The following HS6ST3 variants were observed in gnomAD, a reference collection of about 807,000 sequenced individuals.
The protein encoded by HS6ST3 is heparan-sulfate 6-O-sulfotransferase 3.
HS6ST3 carries 12 observed loss-of-function variants against 36.7 expected under a neutral mutation model. The observed-to-expected ratio is 0.33, with a 90% confidence interval of 0.21 to 0.53. The LOEUF (loss-of-function observed/expected upper bound fraction) is 0.53. Among genes scored for constraint, HS6ST3 ranks in the 20% least tolerant of loss-of-function variants. The pLI is 0.95. For missense variants in HS6ST3, 584 were observed against 640.9 expected (o/e 0.91, Z 0.96); for synonymous variants, 240 against 257.5 (o/e 0.93, Z 0.65).
At chr13:96,377,019 T>G (rs909518552) in intron 1 of HS6ST3, among the ~76,000 whole-genome samples, 1 of 149,296 alleles carries the variant, frequency 6.7e-6, no homozygotes, top group Non-Finnish European at 1.5e-5. Flanking sequence ...GATTTATTGT[T>G]TTATTTTGTT....
At chr13:96,807,733 G>C (rs965417439) in intron 1 of HS6ST3, among the ~76,000 whole-genome samples, 1 of 152,108 alleles carries the variant, frequency 6.6e-6, no homozygotes, top group Non-Finnish European at 1.5e-5. Context: ...GGGCGTGGTG[G>C]TGGACGCCTG....
chr13:96,291,129 A>G (rs1276712428), intron 1 of HS6ST3, among the ~76,000 whole-genome samples: 1 of 152,194 alleles, frequency 6.6e-6, no homozygotes, highest in Non-Finnish European at 1.5e-5. Flanking sequence ...ATTTGCTAAT[A>G]TAACATACTG....
chr13:96,253,239 C>T (rs1348589594), intron 1 of HS6ST3, among the ~76,000 whole-genome samples: 1 of 152,068 alleles, frequency 6.6e-6, no homozygotes, highest in Non-Finnish European at 1.5e-5. Flanking sequence ...GCTCCTTCCC[C>T]TACCCCTTGC....
At chr13:96,119,636 ATC>A (rs2053915370) in intron 1 of HS6ST3, among the ~76,000 whole-genome samples, 1 of 152,140 alleles carries the variant, frequency 6.6e-6, no homozygotes, top group African/African-American at 2.4e-5. Context: ...TTTGCATCGG[ATC>A]TATCCCACTT....
At chr13:96,203,889 C>G (rs998618138) in intron 1 of HS6ST3, among the ~76,000 whole-genome samples, 2 of 152,178 alleles carry the variant, frequency 1.3e-5, no homozygotes, top group Non-Finnish European at 2.9e-5. Context: ...GTACATCCCT[C>G]TACCCTCACA....
chr13:96,472,950 A>G (rs2055846476), intron 1 of HS6ST3, among the ~76,000 whole-genome samples: 1 of 152,192 alleles, frequency 6.6e-6, no homozygotes, highest in African/African-American at 2.4e-5. Context: ...GTAGCCCTTA[A>G]CCAATATACC....
Position 96,655,202 on chromosome 13 carries a change from G to A in HS6ST3, c.708-177288G>A, listed in dbSNP as rs532611844. On this transcript the variant is annotated intron_variant, in intron 1 of 1. Transcript: ENST00000376705. ...TTATTTTATGCTTTTCAGCTCAACC[G>A]AACTTCTCCATCTAACACACTCATG... 5.3e-5 allele frequency among the ~76,000 whole-genome samples: 8 copies of A among 152,138 alleles called. No individual in the cohort carries two copies. The South Asian group carries it at 1.0e-3, about 20-fold the overall frequency.
At chr13:96,475,928 A>G (rs2055862147) in intron 1 of HS6ST3, among the ~76,000 whole-genome samples, 1 of 152,212 alleles carries the variant, frequency 6.6e-6, no homozygotes, top group Non-Finnish European at 1.5e-5. Flanking sequence ...AGGAAGAATC[A>G]TGAAAACAAA....
intron 1 of HS6ST3, among the ~76,000 whole-genome samples, chr13:96,451,447 T>C (rs2055727660): frequency 1.3e-5 from 2 of 152,216 alleles, no homozygotes; most frequent in Non-Finnish European, 2.9e-5. Flanking sequence ...TGCTTTATCT[T>C]AGCTTTCCAA....
At chr13:96,720,090 C>G (rs1296269265) in intron 1 of HS6ST3, among the ~76,000 whole-genome samples, 1 of 152,156 alleles carries the variant, frequency 6.6e-6, no homozygotes, top group Non-Finnish European at 1.5e-5. Flanking sequence ...CTCTTGCCTT[C>G]TTTTTTACTT....
rs1443032930 is a variant in HS6ST3 at position 96,837,790 on chromosome 13, T to G, written c.*4592T>G. Reference sequence around the variant, plus strand: ...CTATTCAATATGAAGGCCGAGGGAATGTGCTCACAACTCCCTATTAAGGGA... The same window carrying G: ...CTATTCAATATGAAGGCCGAGGGAAGGTGCTCACAACTCCCTATTAAGGGA... On this transcript the variant is annotated 3_prime_UTR_variant, in exon 2 of 2. Transcript: ENST00000376705. 2 of 151,200 alleles carry G rather than the reference T, an allele frequency of 1.3e-5. No individual in the cohort carries two copies. Among genetic ancestry groups the G allele is most frequent in the Non-Finnish European group, 2.9e-5 (2 of 67,876 alleles). The allele number at this position is 151,200 out of a possible 1,614,324, so 9.4% of individuals were successfully genotyped here.
At chr13:96,527,835 T>C (rs1273104167) in intron 1 of HS6ST3, among the ~76,000 whole-genome samples, 1 of 152,006 alleles carries the variant, frequency 6.6e-6, no homozygotes, top group African/African-American at 2.4e-5. Flanking sequence ...TCTCAAAGTA[T>C]AACTCACAGA....
chr13:96,432,606 C>T (rs561888999), intron 1 of HS6ST3, among the ~76,000 whole-genome samples: 1 of 152,178 alleles, frequency 6.6e-6, no homozygotes, highest in South Asian at 2.1e-4. Flanking sequence ...TCTGAAAAAG[C>T]TAATGGAGCT....
At chr13:96,513,810 G>A (rs1457781619) in intron 1 of HS6ST3, among the ~76,000 whole-genome samples, 1 of 151,964 alleles carries the variant, frequency 6.6e-6, no homozygotes, top group East Asian at 1.9e-4. Context: ...TGATAGAAGT[G>A]GTTCAGTAGG....
intron 1 of HS6ST3, among the ~76,000 whole-genome samples, chr13:96,687,343 G>A (rs995716849): frequency 6.6e-6 from 1 of 151,966 alleles, no homozygotes; most frequent in African/African-American, 2.4e-5. Context: ...CACATGGTGT[G>A]TTCTTTTTTG....
chr13:96,523,364 G>A (rs1192496965), intron 1 of HS6ST3, among the ~76,000 whole-genome samples: 1 of 152,120 alleles, frequency 6.6e-6, no homozygotes, highest in Non-Finnish European at 1.5e-5. Flanking sequence ...TTCTCGAGGA[G>A]TATCTTTGTG....
Position 96,648,558 on chromosome 13 carries a change from G to A in HS6ST3, c.708-183932G>A, listed in dbSNP as rs138311446. Among the ~76,000 whole-genome samples, 1,240 of 150,788 alleles carry A rather than the reference G, an allele frequency of 8.2e-3. 20 individuals carry two copies. Among genetic ancestry groups the A allele is most frequent in the African/African-American group, 0.028 (1,150 of 41,008 alleles). ...GTGCAGGTTTGTTACCTAGGTAAAC[G>A]TGTGCCATGGTGGTTTGCTGTACCT... On this transcript the variant is annotated intron_variant, in intron 1 of 1. Transcript: ENST00000376705.
intron 1 of HS6ST3, among the ~76,000 whole-genome samples, chr13:96,658,738 T>C (rs2056636012): frequency 6.7e-6 from 1 of 150,252 alleles, no homozygotes; most frequent in Non-Finnish European, 1.5e-5. Context: ...GGAGTTTCAC[T>C]TTTGTTGCCC....
chr13:96,452,862 T>A (rs552580546), intron 1 of HS6ST3, among the ~76,000 whole-genome samples: 1 of 152,316 alleles, frequency 6.6e-6, no homozygotes, highest in African/African-American at 2.4e-5. Flanking sequence ...TCTACCCTAC[T>A]ACCTGGGAGG....
Sources: gnomAD v4.1 joint callset for allele counts (sites outside exome capture counted in the v4.1 genomes callset) on GRCh38, gnomAD v4.1.1 for gene constraint, MANE v1.5 for transcripts, NCBI Gene and HGNC (gene_info 2026-07-23, HGNC 2026-07-21) for gene names.